OPCML: variants seen among roughly 807,000 people sequenced by gnomAD.
The protein encoded by OPCML is opioid binding protein/cell adhesion molecule like, also known as opioid-binding protein/cell adhesion molecule.
OPCML carries 13 observed loss-of-function variants against 37.8 expected under a neutral mutation model. The observed-to-expected ratio is 0.34, with a 90% confidence interval of 0.22 to 0.55. The LOEUF is 0.55. Among genes scored for constraint, OPCML ranks in the 20% least tolerant of loss-of-function variants. The pLI, the probability that OPCML is intolerant of heterozygous loss-of-function variation, is 0.91. For missense variants in OPCML, 341 were observed against 435.6 expected (o/e 0.78, Z 1.93); for synonymous variants, 176 against 168.8 (o/e 1.04, Z -0.33).
At position 132,418,733 on chromosome 11, in the gene OPCML, C is replaced by T. The variant is rs1047049977; in HGVS notation, c.*1460G>A. On this transcript the variant is annotated 3_prime_UTR_variant, in exon 8 of 8. Coordinates refer to ENST00000524381, the MANE Select transcript of OPCML (RefSeq NM_001012393.5). ...TCTAGCTGAAGTCATCCCACTCAGG[C>T]GGGTGGACTCTTCACTTTGCATTGC... The T allele has an allele frequency of 6.6e-6, 1 of 152,338 alleles. No homozygotes were observed. The highest frequency in any genetic ancestry group is 1.5e-5 in the Non-Finnish European group (1 of 68,048). The allele number at this position is 152,338 out of a possible 1,614,324, so 9.4% of individuals were successfully genotyped here.
chr11:133,044,692 G>T (rs542371691), intron 1 of OPCML, among the ~76,000 whole-genome samples: 2 of 152,182 alleles, frequency 1.3e-5, no homozygotes, highest in Non-Finnish European at 2.9e-5. Context: ...GGCACAGAGC[G>T]GTGAAGTAGC....
intron 1 of OPCML, among the ~76,000 whole-genome samples, chr11:133,286,746 C>A (rs188139378): frequency 3.9e-5 from 6 of 152,160 alleles, no homozygotes; most frequent in East Asian, 1.9e-4. Context: ...ATAAAACGAA[C>A]CTAAGCACTC....
At position 133,028,502 on chromosome 11, in the gene OPCML, G is replaced by A. The variant is rs190122853; in HGVS notation, c.62-85492C>T. On this transcript the variant is annotated intron_variant, in intron 1 of 7. Transcript: ENST00000524381. Reference sequence around the variant, plus strand: ...TCAAAAGTTTATTACATGCACAAAGGTTTCAGTTGTTTGATAAGGAGCGTG... The same window carrying A: ...TCAAAAGTTTATTACATGCACAAAGATTTCAGTTGTTTGATAAGGAGCGTG... 2.1e-4 allele frequency among the ~76,000 whole-genome samples: 31 copies of A among 149,908 alleles called. No individual in the cohort carries two copies. In the East Asian group the frequency reaches 3.2e-3, roughly 15 times the overall value.
chr11:132,619,683 C>CAAA (rs67315430), intron 3 of OPCML, among the ~76,000 whole-genome samples: 14 of 135,518 alleles, frequency 1.0e-4, no homozygotes, highest in African/African-American at 3.6e-4. Flanking sequence ...CTGAAAATAC[C>CAAA]AAAAAAAAAA....
intron 4 of OPCML, among the ~76,000 whole-genome samples, chr11:132,508,979 A>G (rs561744312): frequency 6.6e-4 from 100 of 152,324 alleles, no homozygotes; most frequent in African/African-American, 2.1e-3. Context: ...GAAGACAGGA[A>G]CATGTGGAAA....
chr11:132,818,612 A>AGATAGATAGATAGAT (rs1168844624), intron 2 of OPCML, among the ~76,000 whole-genome samples: 1,301 of 46,538 alleles, frequency 0.028, 8 homozygotes, highest in Non-Finnish European at 0.054. Context: ...GATAGATGAT[A>AGATAGATAGATAGAT]GATAGATAGA....
chr11:132,761,222 C>A (rs998027029), intron 2 of OPCML, among the ~76,000 whole-genome samples: 9 of 147,894 alleles, frequency 6.1e-5, no homozygotes, highest in Non-Finnish European at 1.0e-4. Context: ...TCTCTGGCTG[C>A]GCTTAACTTT....
In OPCML at chr11:132,666,146, T is replaced by C. The variant is rs374871523; in HGVS notation, c.147-8827A>G. Among the ~76,000 whole-genome samples the C allele has an allele frequency of 3.3e-5, 5 of 152,160 alleles. No homozygotes were observed. The South Asian group carries it at 8.3e-4, about 25-fold the overall frequency. ...GGATGGTGTCTTCGTCCATTTCCATTACCATAAGGCTGGTAATTTATAAAG... is the reference window on the plus strand; with the variant it reads ...GGATGGTGTCTTCGTCCATTTCCATCACCATAAGGCTGGTAATTTATAAAG... On this transcript the variant is annotated intron_variant, in intron 2 of 7. Coordinates refer to ENST00000524381, the MANE Select transcript of OPCML (RefSeq NM_001012393.5).
intron 2 of OPCML, chr11:132,772,194 G>C (rs1407942412): frequency 6.6e-6 from 1 of 152,202 alleles, no homozygotes; most frequent in East Asian, 1.9e-4. Context: ...AAGAGGAAGA[G>C]TAAATAACTA....
At chr11:132,470,616 A>C (rs1426341584) in intron 4 of OPCML, among the ~76,000 whole-genome samples, 1 of 152,206 alleles carries the variant, frequency 6.6e-6, no homozygotes, top group Non-Finnish European at 1.5e-5. Context: ...AGCAGTAATA[A>C]TAGCAGCAGT....
intron 7 of OPCML, among the ~76,000 whole-genome samples, chr11:132,433,590 T>C (rs1270880090): frequency 2.0e-5 from 3 of 152,176 alleles, no homozygotes; most frequent in African/African-American, 7.2e-5. Context: ...CTGAATCGCA[T>C]CCCTCTACTA....
chr11:132,833,489 C>T (rs75132608), intron 2 of OPCML, among the ~76,000 whole-genome samples: 3,579 of 152,280 alleles, frequency 0.024, 107 homozygotes, highest in African/African-American at 0.068. Flanking sequence ...GGCTGTTTTA[C>T]AGTGAACTTC....
chr11:132,744,376 T>G (rs1945543157), intron 2 of OPCML, among the ~76,000 whole-genome samples: 1 of 152,204 alleles, frequency 6.6e-6, no homozygotes, highest in Non-Finnish European at 1.5e-5. Context: ...ACTTTGAACT[T>G]TTAGGACATC....
intron 1 of OPCML, among the ~76,000 whole-genome samples, chr11:133,437,261 C>A (rs1218400249): frequency 1.3e-5 from 2 of 152,156 alleles, no homozygotes; most frequent in African/African-American, 2.4e-5. Flanking sequence ...CTTGTTCTGC[C>A]TGCCACAGAC....
At chr11:132,787,844 A>G (rs982628472) in intron 2 of OPCML, among the ~76,000 whole-genome samples, 1 of 152,088 alleles carries the variant, frequency 6.6e-6, no homozygotes, top group Non-Finnish European at 1.5e-5. Context: ...CTTGACCTGT[A>G]TATCCAACAA....
At chr11:133,164,697 C>T (rs992822028) in intron 1 of OPCML, among the ~76,000 whole-genome samples, 1 of 152,162 alleles carries the variant, frequency 6.6e-6, no homozygotes, top group African/African-American at 2.4e-5. Flanking sequence ...CAATTTATTC[C>T]TCAATAATTC....
intron 3 of OPCML, among the ~76,000 whole-genome samples, chr11:132,654,107 G>T (rs996527748): frequency 6.6e-6 from 1 of 152,196 alleles, no homozygotes; most frequent in Non-Finnish European, 1.5e-5. Context: ...CTGGACAAAA[G>T]CTGATGCTGC....
chr11:133,140,526 A>AATG (rs1949757530), intron 1 of OPCML, among the ~76,000 whole-genome samples: 1 of 115,312 alleles, frequency 8.7e-6, no homozygotes, highest in Non-Finnish European at 1.8e-5. Flanking sequence ...TAATAATAAT[A>AATG]ATAATAAGAA....
chr11:133,126,465 G>A (rs567369760), intron 1 of OPCML, among the ~76,000 whole-genome samples: 4 of 152,106 alleles, frequency 2.6e-5, no homozygotes, highest in South Asian at 2.1e-4. Flanking sequence ...TTTTAGCTTC[G>A]TTGAATTGAC....
Sources: gnomAD v4.1 joint callset for allele counts (sites outside exome capture counted in the v4.1 genomes callset) on GRCh38, gnomAD v4.1.1 for gene constraint, MANE v1.5 for transcripts, NCBI Gene and HGNC (gene_info 2026-07-23, HGNC 2026-07-21) for gene names.